Variants in RRP15 observed in about 807,000 individuals in gnomAD.
RRP15 encodes RRP15-like protein.
A neutral mutation model predicts 27.1 loss-of-function variants in RRP15; 18 were observed. That is an observed-to-expected ratio of 0.66 (90% CI 0.46 to 0.98). The LOEUF is 0.98. Among genes scored for constraint, RRP15 ranks in the 50% least tolerant of loss-of-function variants. The pLI, the probability that RRP15 is intolerant of heterozygous loss-of-function variation, is 0.00. For missense variants in RRP15, 359 were observed against 337.8 expected, an observed-to-expected ratio of 1.06 and a Z score of -0.49; for synonymous variants, 107 against 109.4, an observed-to-expected ratio of 0.98 and a Z score of 0.14.
intron 2 of RRP15, 106 bp from the exon 3 acceptor site, chr1:218,304,922 C>A: frequency 9.5e-7 from 1 of 1,052,096 alleles, no homozygotes; most frequent in Non-Finnish European, 1.4e-6. Context: ...ACAAACTAAG[C>A]CAGAATGATT....
intron 1 of RRP15, among the ~76,000 whole-genome samples, chr1:218,295,214 AG>A (rs1440734648): frequency 6.6e-6 from 1 of 152,216 alleles, no homozygotes; most frequent in Admixed American, 6.5e-5. Flanking sequence ...GTAAGATGAT[AG>A]CCCCTACCTC....
intron 4 of RRP15, among the ~76,000 whole-genome samples, chr1:218,314,392 G>A (rs561660827): frequency 1.1e-3 from 161 of 151,858 alleles, no homozygotes; most frequent in Non-Finnish European, 2.1e-3. Flanking sequence ...TTTCAAAGTT[G>A]TAATTATTCC....
rs1656394403 is a variant in RRP15, at chr1:218,332,828, A to G, written c.*1737A>G. 6.6e-6 allele frequency: 1 copy of G among 151,866 alleles called. No individual in the cohort carries two copies. The highest frequency in any genetic ancestry group is 1.5e-5 in the Non-Finnish European group (1 of 67,936). 9.4% of individuals were successfully genotyped at this position (151,866 alleles called of 1,614,324 possible). A position where few individuals can be genotyped will look rare whatever the true frequency, so the allele number is the denominator to read the frequency against. ...TAAATATCCTGCTATAACTTAATAC[A>G]GATACATATTTCAATATGACTTAAC... is the stretch of plus-strand genomic sequence containing the variant. On this transcript the variant is annotated 3_prime_UTR_variant, in exon 5 of 5. Transcript: ENST00000366932.
At chr1:218,295,551 A>G (rs1164895709) in intron 1 of RRP15, among the ~76,000 whole-genome samples, 1 of 152,210 alleles carries the variant, frequency 6.6e-6, no homozygotes, top group African/African-American at 2.4e-5. Context: ...TTCAGGTTAG[A>G]AGGTCCTAGG....
rs750236952 is a variant in RRP15, at chr1:218,302,571, C to T, written c.405+12C>T. ...AGAAAATAAAACAGGTATGTTCCAC[C>T]AGTTCTCTTGTAGATTAGATTGTTT... is the stretch of plus-strand genomic sequence containing the variant. On this transcript the variant is annotated intron_variant, in intron 2 of 4. Coordinates refer to ENST00000366932, the MANE Select transcript of RRP15 (RefSeq NM_016052.4). 6.2e-7 allele frequency: 1 copy of T among 1,608,152 alleles called. No individual in the cohort carries two copies. Among genetic ancestry groups the T allele is most frequent in the Admixed American group, 1.7e-5 (1 of 59,008 alleles).
intron 1 of RRP15, among the ~76,000 whole-genome samples, chr1:218,297,048 T>C (rs1655729031): frequency 6.6e-6 from 1 of 152,206 alleles, no homozygotes; most frequent in Non-Finnish European, 1.5e-5. Flanking sequence ...GCGCTTTTCA[T>C]GTGTTATCAT....
chr1:218,328,586 C>G (rs949250550), intron 4 of RRP15, among the ~76,000 whole-genome samples: 9 of 152,056 alleles, frequency 5.9e-5, no homozygotes, highest in Non-Finnish European at 1.3e-4. Context: ...TGGCGTGAAC[C>G]CGGGAGGCGG....
chr1:218,292,428 G>GA (rs1345442005), intron 1 of RRP15, among the ~76,000 whole-genome samples: 1 of 152,092 alleles, frequency 6.6e-6, no homozygotes. Context: ...CACAGAAATG[G>GA]AAAAAATGTG....
chr1:218,315,219 A>T (rs879447591), intron 4 of RRP15, among the ~76,000 whole-genome samples: 1 of 152,016 alleles, frequency 6.6e-6, no homozygotes, highest in Non-Finnish European at 1.5e-5. Context: ...TTCATAGGTA[A>T]ATAATTAGTG....
intron 4 of RRP15, among the ~76,000 whole-genome samples, chr1:218,330,616 G>GT: frequency 6.6e-6 from 1 of 152,194 alleles, no homozygotes; most frequent in South Asian, 2.1e-4. Flanking sequence ...TTGTAAGTCT[G>GT]TTTTTTGTTG....
rs1571812794 is a variant in RRP15 at position 218,332,901 on chromosome 1, C to T, written c.*1810C>T. On this transcript the variant is annotated 3_prime_UTR_variant, in exon 5 of 5. Coordinates refer to ENST00000366932, the MANE Select transcript of RRP15 (RefSeq NM_016052.4). Reference sequence around the variant, plus strand: ...AAAAAAAAAAGTGCAGCAACTTAAACACATTTTTCTCCCCAGAACTAAGAT... The same window carrying T: ...AAAAAAAAAAGTGCAGCAACTTAAATACATTTTTCTCCCCAGAACTAAGAT... 1 of 141,054 alleles carries T rather than the reference C, an allele frequency of 7.1e-6. No individual in the cohort carries two copies. The highest frequency in any genetic ancestry group is 2.1e-4 in the East Asian group (1 of 4,778). 8.7% of individuals were successfully genotyped at this position (141,054 alleles called of 1,614,324 possible). A position where few individuals can be genotyped will look rare whatever the true frequency, so the allele number is the denominator to read the frequency against.
At chr1:218,304,478 G>A (rs1290968614) in intron 2 of RRP15, among the ~76,000 whole-genome samples, 1 of 152,108 alleles carries the variant, frequency 6.6e-6, no homozygotes, top group Non-Finnish European at 1.5e-5. Flanking sequence ...ACCATATATG[G>A]CAAGACTATT....
intron 4 of RRP15, among the ~76,000 whole-genome samples, chr1:218,314,486 C>T (rs1444744140): frequency 6.6e-6 from 1 of 152,058 alleles, no homozygotes; most frequent in Non-Finnish European, 1.5e-5. Flanking sequence ...CCGACAGAAG[C>T]GGATGTGATG....
At chr1:218,317,989 C>G (rs4269827) in intron 4 of RRP15, among the ~76,000 whole-genome samples, 53,744 of 151,710 alleles carry the variant, frequency 0.35, 9,999 homozygotes, top group South Asian at 0.4. Flanking sequence ...TCTGCCTCAG[C>G]CTCCCAAAGT....
At position 218,326,620 on chromosome 1, in the gene RRP15, G is replaced by A. The variant is rs1414502364; in HGVS notation, c.706-4328G>A. Among the ~76,000 whole-genome samples, 5 of 152,246 alleles carry A rather than the reference G, an allele frequency of 3.3e-5. No individual in the cohort carries two copies. In the East Asian group the frequency reaches 9.6e-4, roughly 29 times the overall value. On this transcript the variant is annotated intron_variant, in intron 4 of 4. Transcript: ENST00000366932. ...GGTGAATTTATTAGCAACTTGTCAGGTTTTCAATAAAGTAACTCTTCCAGT... is the reference window on the plus strand; with the variant it reads ...GGTGAATTTATTAGCAACTTGTCAGATTTTCAATAAAGTAACTCTTCCAGT...
intron 3 of RRP15, among the ~76,000 whole-genome samples, chr1:218,305,622 C>T (rs953615578): frequency 6.6e-6 from 1 of 152,156 alleles, no homozygotes; most frequent in African/African-American, 2.4e-5. Flanking sequence ...GTAGGAATTA[C>T]AGTCTCTTTG....
At chr1:218,309,171 A>T (rs1655950577) in intron 4 of RRP15, among the ~76,000 whole-genome samples, 1 of 152,142 alleles carries the variant, frequency 6.6e-6, no homozygotes, top group South Asian at 2.1e-4. Context: ...CTTGAGACTT[A>T]AGCCAAAGTG....
rs1341303863 is a variant in RRP15 at position 218,307,718 on chromosome 1, A to G, written c.705+86A>G. ...ATGGAAAACCAGACTATAGAATTAC[A>G]GAGTTTTGTGTTTTTTTCCTAAATT... On this transcript the variant is annotated intron_variant, in intron 4 of 4. Transcript: ENST00000366932. 6 of 919,600 alleles carry G rather than the reference A, an allele frequency of 6.5e-6. No homozygotes were observed. In the East Asian group the frequency reaches 1.3e-4, roughly 20 times the overall value. 57.0% of individuals were successfully genotyped at this position (919,600 alleles called of 1,614,324 possible).
chr1:218,317,067 T>G (rs559493999), intron 4 of RRP15, among the ~76,000 whole-genome samples: 1 of 152,362 alleles, frequency 6.6e-6, no homozygotes, highest in African/African-American at 2.4e-5. Flanking sequence ...TTACAAGAAT[T>G]TACTTATTAA....
Sources: allele counts gnomAD v4.1 joint callset (sites outside exome capture counted in the v4.1 genomes callset), GRCh38; gene constraint gnomAD v4.1.1; transcripts MANE v1.5; gene names NCBI Gene and HGNC (gene_info 2026-07-23, HGNC 2026-07-21).